The following ARID3A variants were observed in gnomAD, a reference collection of about 807,000 sequenced individuals.
ARID3A encodes AT-rich interactive domain-containing protein 3A.
ARID3A carries 11 observed loss-of-function variants against 52.7 expected under a neutral mutation model. The ratio of observed to expected loss-of-function variants is 0.21; its 90% confidence interval spans 0.13 to 0.35. The LOEUF is 0.35. ARID3A is among the 10% of genes least tolerant of loss of function. The pLI, the probability that ARID3A is intolerant of heterozygous loss-of-function variation, is 1.00. For missense variants in ARID3A, 721 were observed against 838.5 expected, an observed-to-expected ratio of 0.86 and a Z score of 1.73; for synonymous variants, 404 against 359.4, an observed-to-expected ratio of 1.12 and a Z score of -1.40.
At chr19:930,527 T>G (rs918539873) in intron 2 of ARID3A, among the ~76,000 whole-genome samples, 1 of 149,604 alleles carries the variant, frequency 6.7e-6, no homozygotes, top group Non-Finnish European at 1.5e-5. Context: ...TTTTTTTTTT[T>G]AGACAGAGTC....
At chr19:939,721 A>G (rs59749021) in intron 3 of ARID3A, among the ~76,000 whole-genome samples, 2,051 of 152,042 alleles carry the variant, frequency 0.013, 54 homozygotes, top group African/African-American at 0.044. Context: ...AGCTGTATGG[A>G]CGTTCCCCTC....
intron 3 of ARID3A, among the ~76,000 whole-genome samples, chr19:945,459 CG>C (rs1317069303): frequency 1.3e-5 from 2 of 152,174 alleles, no homozygotes; most frequent in Non-Finnish European, 2.9e-5. Context: ...AGCCCACCTC[CG>C]TCTGCTCCCT....
Position 931,151 on chromosome 19 carries a change from G to A in ARID3A, c.368+1255G>A, listed in dbSNP as rs987791033. Among the ~76,000 whole-genome samples, 12 of 152,014 alleles carry A rather than the reference G, an allele frequency of 7.9e-5. No individual in the cohort carries two copies. The South Asian group carries it at 8.3e-4, about 11-fold the overall frequency. On this transcript the variant is annotated intron_variant, in intron 2 of 8. Transcript: ENST00000263620. ...TCTACAAAAAGTACAAAAATTAGTC[G>A]GGTGTTGTGGCATGCATCTGTGGTC...
At chr19:970,564 A>G (rs1188702191) in intron 8 of ARID3A, among the ~76,000 whole-genome samples, 4 of 139,244 alleles carry the variant, frequency 2.9e-5, no homozygotes, top group African/African-American at 1.1e-4. Context: ...CTGGAGTGCA[A>G]TGGCATGATC....
chr19:970,574 C>T (rs1165190538), intron 8 of ARID3A, among the ~76,000 whole-genome samples: 1 of 129,534 alleles, frequency 7.7e-6, no homozygotes, highest in Non-Finnish European at 1.6e-5. Context: ...ATGGCATGAT[C>T]TCAGCTCCTG....
chr19:973,913 G>A lies in ARID3A; in HGVS notation c.*1848G>A, dbSNP rs1283548479. 4.3e-6 allele frequency: 1 copy of A among 230,970 alleles called. No individual in the cohort carries two copies. The highest frequency in any genetic ancestry group is 8.6e-6 in the Non-Finnish European group (1 of 116,684). The allele number at this position is 230,970 out of a possible 1,614,324, so 14.3% of individuals were successfully genotyped here. A position where few individuals can be genotyped will look rare whatever the true frequency, so the allele number is the denominator to read the frequency against. Reference sequence around the variant, plus strand: ...CCAGCAGGGTCTGGGGACTTCGTTGGACCCGCGTGGTGTTGGGCGGGGCTG... The same window carrying A: ...CCAGCAGGGTCTGGGGACTTCGTTGAACCCGCGTGGTGTTGGGCGGGGCTG... On this transcript the variant is annotated 3_prime_UTR_variant, in exon 9 of 9. Coordinates refer to ENST00000263620, the MANE Select transcript of ARID3A (RefSeq NM_005224.3).
At chr19:961,133 G>C (rs1039865982) in intron 4 of ARID3A, among the ~76,000 whole-genome samples, 10 of 152,212 alleles carry the variant, frequency 6.6e-5, no homozygotes, top group African/African-American at 2.4e-4. Flanking sequence ...TGTTCAGACG[G>C]GGGAGGAGGC....
At position 960,110 on chromosome 19, in the gene ARID3A, G is replaced by A; in HGVS notation, c.712G>A (p.Asp238Asn). 1 of 1,613,142 alleles carries A rather than the reference G, an allele frequency of 6.2e-7. No individual in the cohort carries two copies. Among genetic ancestry groups the A allele is most frequent in the Non-Finnish European group, 8.5e-7 (1 of 1,179,494 alleles). ...QFKQLYELDG[D>N]PKRKEFLDDL... is the part of the protein sequence containing the mutation. ...CTCACAGCTCTACGAACTCGACGGG[G>A]ACCCCAAGAGGAAGGAATTCCTGGA... is the stretch of plus-strand genomic sequence containing the variant. The change falls in exon 4 of 9, where the codon GAC (aspartate) becomes AAC (asparagine). Residue 238 changes from aspartate (D) to asparagine (N), a missense_variant. Physicochemically the swap from Asp to Asn is conservative, Grantham distance 23. This residue lies in a region of ARID3A where 27 missense variants were observed against 35.7 expected (regional missense o/e 0.76). Coordinates refer to ENST00000263620, the MANE Select transcript of ARID3A (RefSeq NM_005224.3). This position sits in a 1 kb window ranked among gnomAD's most constrained non-coding sequence, Gnocchi z 4.3.
At chr19:958,926 T>C (rs1167428408) in intron 3 of ARID3A, among the ~76,000 whole-genome samples, 1 of 152,198 alleles carries the variant, frequency 6.6e-6, no homozygotes, top group Non-Finnish European at 1.5e-5. Flanking sequence ...GTGCACCTTT[T>C]CTGTGTTCAG....
At position 964,737 on chromosome 19, in the gene ARID3A, A is replaced by G; in HGVS notation, c.951-96A>G. 1 of 1,500,644 alleles carries G rather than the reference A, an allele frequency of 6.7e-7. No individual in the cohort carries two copies. The highest frequency in any genetic ancestry group is 2.2e-5 in the Admixed American group (1 of 46,358). The allele number at this position is 1,500,644 out of a possible 1,614,324, so 93.0% of individuals were successfully genotyped here. A position where few individuals can be genotyped will look rare whatever the true frequency, so the allele number is the denominator to read the frequency against. On this transcript the variant is annotated intron_variant, in intron 5 of 8. Coordinates refer to ENST00000263620, the MANE Select transcript of ARID3A (RefSeq NM_005224.3). The surrounding 1 kb of genome is among the most constrained non-coding windows in gnomAD (Gnocchi z 5.7). ...AGCAAGTCCAAGGGAAGAACCAGGG[A>G]TGGTGGTGCCACAGTGGGGTTTACT... is the stretch of plus-strand genomic sequence containing the variant.
At chr19:932,790 CA>C in intron 3 of ARID3A, 48 bp downstream of exon 3, 1 of 1,543,598 alleles carries the variant, frequency 6.5e-7, no homozygotes, top group Non-Finnish European at 8.7e-7. Flanking sequence ...GCTCCTGGGC[CA>C]GTGGGGCCCT....
intron 3 of ARID3A, among the ~76,000 whole-genome samples, chr19:952,779 A>C (rs773816204): frequency 1.6e-4 from 24 of 152,056 alleles, no homozygotes; most frequent in Non-Finnish European, 2.9e-4. Flanking sequence ...AGGTTCTCCC[A>C]GGGGGCCCTG....
rs985649822 is a variant in ARID3A, at chr19:929,740, G to A, written c.212G>A (p.Gly71Asp). The change falls in exon 2 of 9, where the codon GGC becomes GAC. Residue 71 changes from glycine to aspartate, a missense_variant. Transcript: ENST00000263620. This position sits in a 1 kb window ranked among gnomAD's most constrained non-coding sequence, Gnocchi z 6.2. ...ALAAMRAAAA[G>D]LGHPASPGGS... ...GCAGCCATGCGGGCTGCAGCTGCGG[G>A]CCTGGGACACCCAGCCAGCCCCGGC... 4 of 1,559,230 alleles carry A rather than the reference G, an allele frequency of 2.6e-6. No homozygotes were observed. The highest frequency in any genetic ancestry group is 2.7e-5 in the African/African-American group (2 of 74,144).
At position 942,074 on chromosome 19, in the gene ARID3A, C is replaced by G. The variant is rs1340415463; in HGVS notation, c.693+9332C>G. ...CGCGCGTCGGCCGCGGGGCACAGAT[C>G]AGCGCCTCCCCTGCCCGCCATGGGC... On this transcript the variant is annotated intron_variant, in intron 3 of 8. Transcript: ENST00000263620. This position sits in a 1 kb window ranked among gnomAD's most constrained non-coding sequence, Gnocchi z 8.1. Among the ~76,000 whole-genome samples the G allele has an allele frequency of 6.6e-6, 1 of 152,184 alleles. No homozygotes were observed. The highest frequency in any genetic ancestry group is 1.5e-5 in the Non-Finnish European group (1 of 68,030).
chr19:943,952 CAT>C (rs1397327824), intron 3 of ARID3A, among the ~76,000 whole-genome samples: 5 of 151,004 alleles, frequency 3.3e-5, no homozygotes, highest in African/African-American at 9.8e-5. Flanking sequence ...CCGACCCTCT[CAT>C]GGGCACTTAC....
At chr19:954,919 G>A (rs1263792629) in intron 3 of ARID3A, among the ~76,000 whole-genome samples, 1 of 152,214 alleles carries the variant, frequency 6.6e-6, no homozygotes, top group Non-Finnish European at 1.5e-5. Context: ...AGGTCAGGCG[G>A]CGTGGAGGGG....
chr19:974,565 C>G lies in ARID3A; in HGVS notation c.*2500C>G, dbSNP rs1446855258. ...ACTTTTGATGCCAAAATCTGAGCCCCTGGGGTGCCTCTCCCCCGCCTCCCG... is the reference window on the plus strand; with the variant it reads ...ACTTTTGATGCCAAAATCTGAGCCCGTGGGGTGCCTCTCCCCCGCCTCCCG... On this transcript the variant is annotated 3_prime_UTR_variant, in exon 9 of 9. Transcript: ENST00000263620. The G allele has an allele frequency of 2.2e-5, 5 of 230,202 alleles. No homozygotes were observed. In the East Asian group the frequency reaches 2.5e-4, roughly 11 times the overall value. The allele number at this position is 230,202 out of a possible 1,614,324, so 14.3% of individuals were successfully genotyped here.
chr19:930,755 T>C (rs72984081), intron 2 of ARID3A, among the ~76,000 whole-genome samples: 116,597 of 150,352 alleles, frequency 0.78, 45,205 homozygotes, highest in East Asian at 0.84. Flanking sequence ...ATGATCTGCC[T>C]GCCTTGGCCT....
intron 6 of ARID3A, among the ~76,000 whole-genome samples, chr19:966,228 G>A (rs1212929738): frequency 6.6e-6 from 1 of 151,548 alleles, no homozygotes; most frequent in Non-Finnish European, 1.5e-5. Flanking sequence ...GGGAGGCCGA[G>A]GCGGGCGGAT....
Sources: allele counts gnomAD v4.1 joint callset (sites outside exome capture counted in the v4.1 genomes callset), GRCh38; gene constraint gnomAD v4.1.1; regional missense constraint gnomAD v4.1.1; non-coding constraint Gnocchi (gnomAD v3.1); transcripts MANE v1.5; gene names NCBI Gene and HGNC (gene_info 2026-07-23, HGNC 2026-07-21).